GPD2: variants seen among roughly 807,000 people sequenced by gnomAD.
The protein encoded by GPD2 is glycerol-3-phosphate dehydrogenase 2, also known as glycerol-3-phosphate dehydrogenase, mitochondrial.
Under a neutral mutation model 82.4 loss-of-function variants are expected in GPD2, and 54 were observed. The observed-to-expected ratio is 0.66, with a 90% CI of 0.53 to 0.82. The LOEUF is 0.82. Ranked by LOEUF, GPD2 falls within the 40% of genes least tolerant of loss-of-function variation. The probability of loss-of-function intolerance (pLI) is 0.00; values close to 1 mark genes in which losing one functional copy is unlikely to be tolerated. For synonymous variants in GPD2, 288 were observed against 306.1 expected, an observed-to-expected ratio of 0.94 and a Z score of 0.62; for missense variants, 748 against 896.2, an observed-to-expected ratio of 0.83 and a Z score of 2.11.
chr2:156,482,820 A>G (rs561608969), intron 2 of GPD2, among the ~76,000 whole-genome samples: 8 of 152,152 alleles, frequency 5.3e-5, no homozygotes, highest in Admixed American at 2.0e-4. Flanking sequence ...ATGAAAAAAA[A>G]CCCTGATAAC....
chr2:156,569,327 G>T, intron 10 of GPD2, 36 bp from the exon 11 acceptor site: 1 of 1,435,254 alleles, frequency 7.0e-7, no homozygotes, highest in South Asian at 1.1e-5. Flanking sequence ...AATAAGGGGT[G>T]GCAACCTGAT....
chr2:156,418,988 G>A, the GPD2 span, among the ~76,000 whole-genome samples: 12 of 151,804 alleles, frequency 7.9e-5, no homozygotes, highest in East Asian at 7.7e-4. Context: ...AGGGAGGCCC[G>A]GCGGCTTCTT....
chr2:156,433,049 C>A (rs1688335322), upstream of GPD2, among the ~76,000 whole-genome samples: 1 of 152,146 alleles, frequency 6.6e-6, no homozygotes, highest in South Asian at 2.1e-4. Flanking sequence ...AGTGAAACCA[C>A]CTTTGCAAAA....
chr2:156,482,589 A>G (rs1371082544), intron 2 of GPD2, among the ~76,000 whole-genome samples: 1 of 152,214 alleles, frequency 6.6e-6, no homozygotes, highest in East Asian at 1.9e-4. Context: ...CTGAATTTTC[A>G]TATATCATTG....
intron 8 of GPD2, among the ~76,000 whole-genome samples, chr2:156,552,874 C>G (rs1449912928): frequency 6.8e-6 from 1 of 146,508 alleles, no homozygotes; most frequent in Non-Finnish European, 1.5e-5. Flanking sequence ...CTACTTCTTT[C>G]AGCTTCTGGT....
At chr2:156,440,431 A>G (rs2105137080) in intron 1 of GPD2, among the ~76,000 whole-genome samples, 1 of 152,330 alleles carries the variant, frequency 6.6e-6, no homozygotes, top group Admixed American at 6.5e-5. Context: ...TTAGATAATG[A>G]TTGTGGTCAG....
At chr2:156,445,958 G>A (rs1682355058) in intron 1 of GPD2, among the ~76,000 whole-genome samples, 1 of 152,076 alleles carries the variant, frequency 6.6e-6, no homozygotes, top group Admixed American at 6.5e-5. Flanking sequence ...CTTTGTTGGT[G>A]GATCACTTTC....
intron 6 of GPD2, among the ~76,000 whole-genome samples, chr2:156,542,060 T>C (rs1686343589): frequency 6.6e-6 from 1 of 152,078 alleles, no homozygotes; most frequent in Non-Finnish European, 1.5e-5. Flanking sequence ...CATTTAAAAC[T>C]TTTTCAAGAG....
At chr2:156,558,639 C>T (rs1372690864) in intron 9 of GPD2, among the ~76,000 whole-genome samples, 1 of 151,948 alleles carries the variant, frequency 6.6e-6, no homozygotes, top group African/African-American at 2.4e-5. Context: ...ACTCTGTCAC[C>T]CAAGCTGGAG....
chr2:156,563,552 A>G (rs1687252280), intron 9 of GPD2, among the ~76,000 whole-genome samples: 1 of 152,220 alleles, frequency 6.6e-6, no homozygotes, highest in Admixed American at 6.5e-5. Context: ...TAATTGAATG[A>G]AAATATGTTT....
At chr2:156,557,274 T>G in intron 8 of GPD2, 115 bp from the exon 9 acceptor site, 1 of 751,890 alleles carries the variant, frequency 1.3e-6, no homozygotes, top group Non-Finnish European at 2.4e-6. Flanking sequence ...AAGTAATAGT[T>G]CATATCTTTC....
intron 1 of GPD2, among the ~76,000 whole-genome samples, chr2:156,439,318 C>G (rs1682059117): frequency 6.6e-6 from 1 of 151,866 alleles, no homozygotes. Flanking sequence ...TGGATCACAC[C>G]TGTAATCCCA....
At chr2:156,448,118 C>CA (rs1171590363) in intron 1 of GPD2, among the ~76,000 whole-genome samples, 3 of 135,034 alleles carry the variant, frequency 2.2e-5, no homozygotes, top group African/African-American at 7.4e-5. Context: ...AGCAATTTTC[C>CA]CTTTTTTTTT....
intron 3 of GPD2, among the ~76,000 whole-genome samples, chr2:156,505,370 T>C (rs1558932537): frequency 1.3e-5 from 2 of 152,272 alleles, no homozygotes; most frequent in East Asian, 3.9e-4. Context: ...CAAATATTAG[T>C]ATTTTATTAC....
At chr2:156,400,770 G>A in the GPD2 span, among the ~76,000 whole-genome samples, 20 of 152,330 alleles carry the variant, frequency 1.3e-4, no homozygotes, top group Admixed American at 1.2e-3. Flanking sequence ...TTTCGGCTGG[G>A]GGATGTAGCT....
intron 6 of GPD2, among the ~76,000 whole-genome samples, chr2:156,539,492 T>C (rs968980256): frequency 3.3e-5 from 5 of 152,160 alleles, no homozygotes; most frequent in African/African-American, 1.2e-4. Flanking sequence ...TCAGACTGAT[T>C]TGATAACAAT....
upstream of GPD2, among the ~76,000 whole-genome samples, chr2:156,433,900 G>A (rs1688353282): frequency 6.6e-6 from 1 of 152,038 alleles, no homozygotes; most frequent in African/African-American, 2.4e-5. Context: ...AACTGATCTG[G>A]GATAATCAGT....
intron 8 of GPD2, among the ~76,000 whole-genome samples, chr2:156,555,954 G>A (rs912533035): frequency 1.3e-5 from 2 of 152,146 alleles, no homozygotes; most frequent in African/African-American, 4.8e-5. Flanking sequence ...AGGCTGAGTA[G>A]ACATGGCAAG....
At chr2:156,401,863 A>G in the GPD2 span, among the ~76,000 whole-genome samples, 1 of 152,174 alleles carries the variant, frequency 6.6e-6, no homozygotes, top group South Asian at 2.1e-4. Flanking sequence ...ATAGGAGGGG[A>G]AAAAAATAAA....
Sources: allele counts gnomAD v4.1 joint callset (sites outside exome capture counted in the v4.1 genomes callset), GRCh38; gene constraint gnomAD v4.1.1; transcripts MANE v1.5; gene names NCBI Gene and HGNC (gene_info 2026-07-23, HGNC 2026-07-21).